SMPDL3B: variants seen among roughly 807,000 people sequenced by gnomAD.
SMPDL3B encodes the protein acid sphingomyelinase-like phosphodiesterase 3b.
In SMPDL3B, 31 loss-of-function variants were observed where a neutral mutation model predicts 37.9. The ratio of observed to expected loss-of-function variants is 0.82; its 90% CI spans 0.61 to 1.10. The LOEUF is 1.10. SMPDL3B is among the 50% of genes least tolerant of loss of function. The pLI, the probability that SMPDL3B is intolerant of heterozygous loss-of-function variation, is 0.00. For missense variants in SMPDL3B, 525 were observed against 597.8 expected (o/e 0.88, Z 1.27); for synonymous variants, 235 against 242.6 (o/e 0.97, Z 0.29).
chr1:27,956,154 TC>T (rs1158972915), intron 7 of SMPDL3B, 72 bp downstream of exon 7: 5 of 1,613,464 alleles, frequency 3.1e-6, no homozygotes, highest in Non-Finnish European at 4.2e-6. Context: ...TCCCTCACTC[TC>T]AGCTTATCCA....
In SMPDL3B at chr1:27,948,358, CT is replaced by C. The variant is rs2090428252; in HGVS notation, c.276-706del. 2.0e-5 allele frequency among the ~76,000 whole-genome samples: 3 copies of C among 152,256 alleles called. No individual in the cohort carries two copies. The South Asian group carries it at 6.2e-4, about 32-fold the overall frequency. On this transcript the variant is annotated intron_variant, in intron 2 of 7. Transcript: ENST00000373894. ...TAGCAGCAGTATTAATACTATTATGCTAATTAGTTTCCCTGGGGGAATACCT... is the reference window on the plus strand; with the variant it reads ...TAGCAGCAGTATTAATACTATTATGCAATTAGTTTCCCTGGGGGAATACCT...
chr1:27,949,950 T>A (rs527361452), intron 3 of SMPDL3B, among the ~76,000 whole-genome samples: 1 of 152,090 alleles, frequency 6.6e-6, no homozygotes, highest in African/African-American at 2.4e-5. Context: ...CTAGATCAAG[T>A]GTAAAGGGTC....
rs887425602 is a variant in SMPDL3B, at chr1:27,958,364, A to G, written c.1006-112A>G. ...GTGCACAGCTAAGTGCTCAATAACT[A>G]CTAGTGGTCATGGTCACTGCTCTAA... On this transcript the variant is annotated intron_variant, in intron 7 of 7. Coordinates refer to ENST00000373894, the MANE Select transcript of SMPDL3B (RefSeq NM_014474.4). The surrounding 1 kb of genome is among the most constrained non-coding windows in gnomAD (Gnocchi z 5.6). 7.2e-6 allele frequency: 10 copies of G among 1,386,262 alleles called. No homozygotes were observed. Among genetic ancestry groups the G allele is most frequent in the Admixed American group, 2.2e-5 (1 of 45,552 alleles). The allele number at this position is 1,386,262 out of a possible 1,614,324, so 85.9% of individuals were successfully genotyped here.
At chr1:27,937,290 G>T (rs774899875) in intron 1 of SMPDL3B, among the ~76,000 whole-genome samples, 5 of 152,230 alleles carry the variant, frequency 3.3e-5, no homozygotes, top group Admixed American at 6.5e-5. Flanking sequence ...TAACTGCAGA[G>T]AAGCAGACAG....
intron 3 of SMPDL3B, among the ~76,000 whole-genome samples, chr1:27,952,713 T>G (rs1407915562): frequency 6.6e-6 from 1 of 152,218 alleles, no homozygotes; most frequent in East Asian, 1.9e-4. Context: ...CCTATTGAAC[T>G]GCAGGACCTC....
chr1:27,940,846 T>A (rs548307359), intron 1 of SMPDL3B, among the ~76,000 whole-genome samples: 1 of 152,230 alleles, frequency 6.6e-6, no homozygotes, highest in East Asian at 1.9e-4. Flanking sequence ...AGCATTAAAG[T>A]ACCCAGGCGC....
chr1:27,935,391 C>A (rs3737807), intron 1 of SMPDL3B, 147 bp downstream of exon 1: 250,791 of 609,990 alleles, frequency 0.41, 54,864 homozygotes, highest in South Asian at 0.56. Context: ...AGCTAGTGGG[C>A]CTTAGCAAGT....
intron 7 of SMPDL3B, chr1:27,956,368 G>C: frequency 7.6e-7 from 1 of 1,315,362 alleles, no homozygotes; most frequent in South Asian, 1.6e-5. Flanking sequence ...CTACACAAGA[G>C]AGAAGAAACT....
chr1:27,951,924 G>C (rs1265956939), intron 3 of SMPDL3B, among the ~76,000 whole-genome samples: 1 of 152,182 alleles, frequency 6.6e-6, no homozygotes, highest in East Asian at 1.9e-4. Flanking sequence ...CTGTGAAAAA[G>C]GAAAATAATG....
At chr1:27,941,460 C>T (rs2090358246) in intron 1 of SMPDL3B, 1 of 152,280 alleles carries the variant, frequency 6.6e-6, no homozygotes, top group Non-Finnish European at 1.5e-5. Context: ...TGCACGTCTT[C>T]CACGTCCCAG....
chr1:27,940,302 T>C (rs1307808448), intron 1 of SMPDL3B, among the ~76,000 whole-genome samples: 1 of 152,178 alleles, frequency 6.6e-6, no homozygotes, highest in East Asian at 1.9e-4. Context: ...GCACTTTACC[T>C]GTGGACAGTA....
At chr1:27,944,161 C>T (rs1320894328) in intron 1 of SMPDL3B, among the ~76,000 whole-genome samples, 1 of 152,034 alleles carries the variant, frequency 6.6e-6, no homozygotes, top group African/African-American at 2.4e-5. Flanking sequence ...TGGTCGGAAA[C>T]TGAGTCTAGG....
chr1:27,944,474 C>T (rs562008704), intron 1 of SMPDL3B, among the ~76,000 whole-genome samples: 39 of 152,236 alleles, frequency 2.6e-4, no homozygotes, highest in Non-Finnish European at 5.0e-4. Context: ...CTCACCTTAG[C>T]CTCCTGAGTA....
chr1:27,935,810 T>C (rs550101228), intron 1 of SMPDL3B, among the ~76,000 whole-genome samples: 6 of 152,248 alleles, frequency 3.9e-5, no homozygotes, highest in East Asian at 1.9e-4. Flanking sequence ...AAGTGGAGCC[T>C]TGAGGCAGTG....
intron 7 of SMPDL3B, chr1:27,956,444 T>C (rs1638283758): frequency 2.4e-6 from 3 of 1,272,584 alleles, no homozygotes; most frequent in Non-Finnish European, 2.0e-6. Flanking sequence ...GGCTCCCCAG[T>C]GCCTTCAAGA....
At chr1:27,951,095 T>C (rs1383091744) in intron 3 of SMPDL3B, among the ~76,000 whole-genome samples, 1 of 152,176 alleles carries the variant, frequency 6.6e-6, no homozygotes, top group Non-Finnish European at 1.5e-5. Context: ...ATGTAAATTA[T>C]AAGATTTTGT....
At position 27,945,160 on chromosome 1, in the gene SMPDL3B, C is replaced by T. The variant is rs2090395327; in HGVS notation, c.62-72C>T. 2.7e-6 allele frequency: 4 copies of T among 1,462,588 alleles called. No homozygotes were observed. In the African/African-American group the frequency reaches 5.6e-5, roughly 20 times the overall value. The allele number at this position is 1,462,588 out of a possible 1,614,324, so 90.6% of individuals were successfully genotyped here. A position where few individuals can be genotyped will look rare whatever the true frequency, so the allele number is the denominator to read the frequency against. On this transcript the variant is annotated intron_variant, in intron 1 of 7. Transcript: ENST00000373894. The surrounding 1 kb of genome is among the most constrained non-coding windows in gnomAD (Gnocchi z 4.0). ...GTAACGCCCCTGCCCCAGCCCAGGG[C>T]TCCCCTGGACTTCCTTGCTTCCAGG... is the stretch of plus-strand genomic sequence containing the variant.
Position 27,945,457 on chromosome 1 carries a change from T to G in SMPDL3B, c.275+12T>G. ...ATTCTCTGGACTGGGTGAGTACAGT[T>G]GAGGTGGCAGCTACCCTTTGCCAGG... On this transcript the variant is annotated intron_variant, in intron 2 of 7. Coordinates refer to ENST00000373894, the MANE Select transcript of SMPDL3B (RefSeq NM_014474.4). This position sits in a 1 kb window ranked among gnomAD's most constrained non-coding sequence, Gnocchi z 4.0. 6.2e-7 allele frequency: 1 copy of G among 1,609,080 alleles called. No homozygotes were observed. The highest frequency in any genetic ancestry group is 1.1e-5 in the South Asian group (1 of 90,908).
At position 27,944,147 on chromosome 1, in the gene SMPDL3B, C is replaced by T. The variant is rs118049098; in HGVS notation, c.62-1085C>T. Among the ~76,000 whole-genome samples the T allele has an allele frequency of 3.3e-3, 503 of 152,096 alleles. 32 individuals are homozygous for T. In the East Asian group the frequency reaches 0.079, roughly 24 times the overall value. On this transcript the variant is annotated intron_variant, in intron 1 of 7. Transcript: ENST00000373894. The stretch of plus-strand genomic sequence containing the variant: ...GTGAAGTTTTTTGCCACTTCAGCCT[C>T]CTTTGGTCGGAAACTGAGTCTAGGT...
Sources: allele counts gnomAD v4.1 joint callset (sites outside exome capture counted in the v4.1 genomes callset), GRCh38; gene constraint gnomAD v4.1.1; non-coding constraint Gnocchi (gnomAD v3.1); transcripts MANE v1.5; gene names NCBI Gene and HGNC (gene_info 2026-07-23, HGNC 2026-07-21).